Variants in ROBO1 observed in about 807,000 individuals in gnomAD.
The protein encoded by ROBO1 is roundabout homolog 1.
A neutral mutation model predicts 195.9 loss-of-function variants in ROBO1; 149 were observed. The observed-to-expected ratio is 0.76, with a 90% confidence interval of 0.67 to 0.87. ROBO1 has a LOEUF of 0.87. ROBO1 is among the 40% of genes least tolerant of loss of function. The pLI is 0.00. For synonymous variants in ROBO1, 816 were observed against 733.2 expected (o/e 1.11, Z -1.82); for missense variants, 1,933 against 2,068.3 (o/e 0.93, Z 1.27).
chr3:79,043,655 G>T (rs1369591952), intron 3 of ROBO1, among the ~76,000 whole-genome samples: 1 of 152,000 alleles, frequency 6.6e-6, no homozygotes, highest in Non-Finnish European at 1.5e-5. Flanking sequence ...TGCATTTAAC[G>T]TTTGTTTATA....
intron 2 of ROBO1, among the ~76,000 whole-genome samples, chr3:79,273,131 A>G (rs1330659608): frequency 3.3e-5 from 5 of 152,120 alleles, no homozygotes; most frequent in Non-Finnish European, 5.9e-5. Context: ...AATCTAAAAG[A>G]AAAGGACATT....
At chr3:79,009,107 ATTTT>A (rs749520016) in intron 3 of ROBO1, among the ~76,000 whole-genome samples, 16 of 115,376 alleles carry the variant, frequency 1.4e-4, no homozygotes, top group African/African-American at 5.7e-4. Flanking sequence ...CGCCCAGCTA[ATTTT>A]TTTTTTTTTT....
rs762415363 is a variant in ROBO1, at chr3:78,607,193, A to C, written c.4436-152T>G. 50 of 678,524 alleles carry C rather than the reference A, an allele frequency of 7.4e-5. 1 individual carries two copies. The highest frequency in any genetic ancestry group is 1.1e-4 in the Non-Finnish European group (44 of 415,150). 42.0% of individuals were successfully genotyped at this position (678,524 alleles called of 1,614,324 possible). ...AAGGTAACCAAGGAAAAATACCCAC[A>C]ATTTTTTAAAATTTATGTTTATTTA... On this transcript the variant is annotated intron_variant, in intron 28 of 30. Transcript: ENST00000464233.
chr3:78,854,345 T>C (rs902179541), intron 4 of ROBO1, among the ~76,000 whole-genome samples: 1 of 148,062 alleles, frequency 6.8e-6, no homozygotes, highest in Non-Finnish European at 1.5e-5. Context: ...CTATTATATA[T>C]AATATGTTGT....
At chr3:78,861,458 T>C (rs1236607535) in intron 4 of ROBO1, among the ~76,000 whole-genome samples, 1 of 152,172 alleles carries the variant, frequency 6.6e-6, no homozygotes, top group Non-Finnish European at 1.5e-5. Flanking sequence ...ACATGACTTT[T>C]ATCATTATTT....
intron 8 of ROBO1, among the ~76,000 whole-genome samples, chr3:78,705,428 A>G (rs765651387): frequency 6.6e-6 from 1 of 152,158 alleles, no homozygotes; most frequent in Non-Finnish European, 1.5e-5. Context: ...TTACATGTAC[A>G]CTCATTTTTC....
At chr3:78,646,327 G>A (rs926994393) in intron 20 of ROBO1, 137 bp from the exon 21 acceptor site, 23 of 608,752 alleles carry the variant, frequency 3.8e-5, no homozygotes, top group South Asian at 5.2e-5. Flanking sequence ...ATCACATGAC[G>A]TAACAGATTG....
intron 2 of ROBO1, among the ~76,000 whole-genome samples, chr3:79,135,045 A>AG (rs1406324260): frequency 2.8e-5 from 2 of 72,188 alleles, no homozygotes; most frequent in African/African-American, 9.4e-5. Context: ...TAATAAAAAA[A>AG]AACATTAAAA....
At chr3:79,559,689 C>G (rs891947892) in intron 2 of ROBO1, among the ~76,000 whole-genome samples, 1 of 152,010 alleles carries the variant, frequency 6.6e-6, no homozygotes. Flanking sequence ...GAGGTTGAGG[C>G]GGGCAGATTA....
At chr3:79,576,550 A>C (rs1318501387) in intron 2 of ROBO1, among the ~76,000 whole-genome samples, 4 of 152,114 alleles carry the variant, frequency 2.6e-5, no homozygotes, top group Non-Finnish European at 5.9e-5. Flanking sequence ...AACAAAGAAA[A>C]AAAAATCATT....
chr3:78,801,118 G>A (rs1044441206), intron 4 of ROBO1, among the ~76,000 whole-genome samples: 2 of 151,964 alleles, frequency 1.3e-5, no homozygotes, highest in Admixed American at 6.6e-5. Flanking sequence ...AATCCACCTC[G>A]GGCTTAGGGC....
Position 79,050,977 on chromosome 3 carries a change from C to A in ROBO1, c.172+74479G>T, listed in dbSNP as rs532933190. On this transcript the variant is annotated intron_variant, in intron 3 of 30. Coordinates refer to ENST00000464233, the MANE Select transcript of ROBO1 (RefSeq NM_002941.4). ...AAGCAGGAAAGATCTAAAATTGACA[C>A]CCTAACATCACAATTAAAAGAACTG... Among the ~76,000 whole-genome samples the A allele has an allele frequency of 9.5e-4, 145 of 152,140 alleles. 1 individual carries two copies. The highest frequency in any genetic ancestry group is 2.9e-3 in the South Asian group (14 of 4,812).
At chr3:78,601,994 ATAAT>A (rs1373857309) in intron 29 of ROBO1, among the ~76,000 whole-genome samples, 10 of 151,650 alleles carry the variant, frequency 6.6e-5, no homozygotes, top group African/African-American at 2.4e-4. Context: ...TATGTATAAT[ATAAT>A]TATATATACG....
At position 79,535,133 on chromosome 3, in the gene ROBO1, G is replaced by A. The variant is rs532764970; in HGVS notation, c.88+54691C>T. Reference sequence around the variant, plus strand: ...GAAACAGTTACAGAAGAATTATCCCGAGTCTTCAATTCTGATTCAAAAGAG... The same window carrying A: ...GAAACAGTTACAGAAGAATTATCCCAAGTCTTCAATTCTGATTCAAAAGAG... On this transcript the variant is annotated intron_variant, in intron 2 of 30. Transcript: ENST00000464233. Among the ~76,000 whole-genome samples the A allele has an allele frequency of 2.0e-5, 3 of 152,016 alleles. No homozygotes were observed. In the East Asian group the frequency reaches 5.8e-4, roughly 29 times the overall value.
rs567222314 is a variant in ROBO1, at chr3:79,640,336, T to C, written c.-50-50375A>G. Among the ~76,000 whole-genome samples the C allele has an allele frequency of 3.1e-4, 47 of 152,196 alleles. No homozygotes were observed. The Middle Eastern group carries it at 0.014, about 44-fold the overall frequency. On this transcript the variant is annotated intron_variant, in intron 1 of 30. Transcript: ENST00000464233. ...AAATTAAAAATTTTCCTCTCTCTCT[T>C]GCCTGCCACCATGTAAAACATGCTT...
intron 2 of ROBO1, among the ~76,000 whole-genome samples, chr3:79,264,269 C>T (rs2082994119): frequency 6.6e-6 from 1 of 151,926 alleles, no homozygotes. Context: ...ACATGTGGTT[C>T]TTTCTGAGAG....
At chr3:78,744,244 T>C (rs2082602049) in intron 5 of ROBO1, among the ~76,000 whole-genome samples, 1 of 152,202 alleles carries the variant, frequency 6.6e-6, no homozygotes, top group Non-Finnish European at 1.5e-5. Context: ...ATCCAGTCTG[T>C]TAGCAAATTC....
intron 3 of ROBO1, among the ~76,000 whole-genome samples, chr3:78,959,283 G>C (rs1247275042): frequency 7.5e-6 from 1 of 133,392 alleles, no homozygotes; most frequent in African/African-American, 2.4e-5. Flanking sequence ...AAGGCAATAT[G>C]TGTGAAAGAA....
At chr3:79,547,184 CAAAAAAAAAAAAAAAAA>C (rs1162585941) in intron 2 of ROBO1, among the ~76,000 whole-genome samples, 106 of 23,286 alleles carry the variant, frequency 4.6e-3, no homozygotes, top group Middle Eastern at 0.023. Flanking sequence ...GACTCCGCCT[CAAAAAAAAAAAAAAAAA>C]AAAAAAAAAA....
Sources: gnomAD v4.1 joint callset for allele counts (sites outside exome capture counted in the v4.1 genomes callset) on GRCh38, gnomAD v4.1.1 for gene constraint, MANE v1.5 for transcripts, NCBI Gene and HGNC (gene_info 2026-07-23, HGNC 2026-07-21) for gene names.